The following RAD23A variants were observed in gnomAD, a reference collection of about 807,000 sequenced individuals.
RAD23A encodes the protein RAD23 nucleotide excision repair protein A, also known as lysine-specific demethylase RAD23A.
A neutral mutation model predicts 44.8 loss-of-function variants in RAD23A; 16 were observed. That is an observed-to-expected ratio of 0.36 (90% confidence interval 0.24 to 0.54). The LOEUF (loss-of-function observed/expected upper bound fraction) is 0.54, where lower values mean the gene tolerates loss of function less well. Among genes scored for constraint, RAD23A ranks in the 20% least tolerant of loss-of-function variants. The pLI, the probability that RAD23A is intolerant of heterozygous loss-of-function variation, is 0.89. For missense variants in RAD23A, 380 were observed against 483.3 expected, an observed-to-expected ratio of 0.79 and a Z score of 2.00; for synonymous variants, 217 against 202.9, an observed-to-expected ratio of 1.07 and a Z score of -0.59.
At position 12,948,823 on chromosome 19, in the gene RAD23A, G is replaced by A; in HGVS notation, c.600+10G>A. On this transcript the variant is annotated intron_variant, in intron 5 of 8. Coordinates refer to ENST00000586534, the MANE Select transcript of RAD23A (RefSeq NM_005053.4). The surrounding 1 kb of genome is among the most constrained non-coding windows in gnomAD (Gnocchi z 5.5). ...GGAGTATCTGCTCACGGTGAGGTGG[G>A]GCTTCCGCCTCCCGGGGAGGCCTTG... The A allele has an allele frequency of 6.3e-7, 1 of 1,591,484 alleles. No homozygotes were observed. Among genetic ancestry groups the A allele is most frequent in the Middle Eastern group, 1.7e-4 (1 of 5,916 alleles).
At chr19:12,949,756 G>A (rs8108349) in intron 7 of RAD23A, among the ~76,000 whole-genome samples, 1 of 152,178 alleles carries the variant, frequency 6.6e-6, no homozygotes, top group African/African-American at 2.4e-5. Flanking sequence ...TACAGATGGT[G>A]CTGCGTAAAT....
intron 1 of RAD23A, among the ~76,000 whole-genome samples, chr19:12,946,438 AACG>A (rs1179021108): frequency 6.6e-6 from 1 of 152,176 alleles, no homozygotes; most frequent in Non-Finnish European, 1.5e-5. Context: ...TGACGACAAC[AACG>A]ATGTTAATGA....
chr19:12,953,109 A>G lies in RAD23A; in HGVS notation c.*60A>G, dbSNP rs1355068734. ...ACCCTTATTCCATGAAAGTTTTATA[A>G]AAGAAAAAATATATATATATTCATG... On this transcript the variant is annotated 3_prime_UTR_variant, in exon 9 of 9. Coordinates refer to ENST00000586534, the MANE Select transcript of RAD23A (RefSeq NM_005053.4). The G allele has an allele frequency of 3.4e-6, 4 of 1,176,384 alleles. No individual in the cohort carries two copies. The African/African-American group carries it at 4.7e-5, about 14-fold the overall frequency. 72.9% of individuals were successfully genotyped at this position (1,176,384 alleles called of 1,614,324 possible). A position where few individuals can be genotyped will look rare whatever the true frequency, so the allele number is the denominator to read the frequency against.
chr19:12,952,135 C>G (rs1365757854), intron 7 of RAD23A, among the ~76,000 whole-genome samples: 1 of 152,146 alleles, frequency 6.6e-6, no homozygotes, highest in Non-Finnish European at 1.5e-5. Context: ...ATTGGCCAGG[C>G]TGGTCTCGAA....
chr19:12,950,436 G>A (rs931181099), intron 7 of RAD23A, among the ~76,000 whole-genome samples: 1 of 151,380 alleles, frequency 6.6e-6, no homozygotes, highest in Admixed American at 6.6e-5. Context: ...AGGAAATCTC[G>A]CTCTGTCGCC....
At position 12,948,629 on chromosome 19, in the gene RAD23A, C is replaced by T; in HGVS notation, c.473-57C>T. On this transcript the variant is annotated intron_variant, in intron 4 of 8. Coordinates refer to ENST00000586534, the MANE Select transcript of RAD23A (RefSeq NM_005053.4). The surrounding 1 kb of genome is among the most constrained non-coding windows in gnomAD (Gnocchi z 5.5). ...TGGGCCTTGTCTGGGTGCGGGAGGG[C>T]CTGGGAGCTGCCCTTTCCTCTTCCT... The T allele has an allele frequency of 1.9e-6, 3 of 1,587,004 alleles. No individual in the cohort carries two copies. In the Admixed American group the frequency reaches 5.3e-5, roughly 28 times the overall value.
Position 12,949,666 on chromosome 19 carries a change from C to G in RAD23A, c.813+258C>G, listed in dbSNP as rs995657425. ...CGGAAACTTAGAGCAGCCTGTCATT[C>G]CCAGGGTCACGCAGCTGGTAGTGTG... On this transcript the variant is annotated intron_variant, in intron 7 of 8. Transcript: ENST00000586534. 1.1e-5 allele frequency: 6 copies of G among 538,358 alleles called. No homozygotes were observed. The African/African-American group carries it at 1.1e-4, about 10-fold the overall frequency. The allele number at this position is 538,358 out of a possible 1,614,324, so 33.3% of individuals were successfully genotyped here. A position where few individuals can be genotyped will look rare whatever the true frequency, so the allele number is the denominator to read the frequency against.
chr19:12,948,278 C>G lies in RAD23A; in HGVS notation c.336C>G (p.Ser112=), dbSNP rs55999597. Residue 112 remains serine (S), a synonymous_variant, in exon 3 of 9, where the codon TCC becomes TCG. Coordinates refer to ENST00000586534, the MANE Select transcript of RAD23A (RefSeq NM_005053.4). The surrounding 1 kb of genome is among the most constrained non-coding windows in gnomAD (Gnocchi z 5.5). ...SFPPAPTSGM[S]HPPPAAREDK... is the part of the protein sequence containing the mutation. ...CGCCTGCCCCCACCTCAGGCATGTC[C>G]CATCCCCCACCTGCCGCCAGAGAGG... The G allele has an allele frequency of 6.2e-7, 1 of 1,613,496 alleles. No individual in the cohort carries two copies.
In RAD23A at chr19:12,953,406, C is replaced by G. The variant is rs41558417; in HGVS notation, c.*357C>G. The stretch of plus-strand genomic sequence containing the variant: ...TCCGAAAAACCCCTGAGGACCCCCC[C>G]CCATCCTCTTCTAGGATGAGGGGAA... On this transcript the variant is annotated 3_prime_UTR_variant, in exon 9 of 9. Transcript: ENST00000586534. 5.4e-5 allele frequency: 9 copies of G among 166,338 alleles called. No individual in the cohort carries two copies. Among genetic ancestry groups the G allele is most frequent in the Non-Finnish European group, 7.7e-5 (6 of 77,936 alleles). 10.3% of individuals were successfully genotyped at this position (166,338 alleles called of 1,614,324 possible). A position where few individuals can be genotyped will look rare whatever the true frequency, so the allele number is the denominator to read the frequency against.
Position 12,949,320 on chromosome 19 carries a change from A to G in RAD23A, c.725A>G (p.Gln242Arg). The change falls in exon 7 of 9, where the codon CAG becomes CGG. Residue 242 changes from glutamine to arginine, a missense_variant. Gln to Arg is a conservative substitution (Grantham distance 43). Transcript: ENST00000586534. The stretch of plus-strand genomic sequence containing the variant: ...TTCCTGCGGGACCAGCCCCAGTTCC[A>G]GAACATGCGGCAGGTGATTCAGCAG... The part of the protein sequence containing the change: ...LEFLRDQPQF[Q>R]NMRQVIQQNP... The G allele has an allele frequency of 6.2e-7, 1 of 1,614,154 alleles. No individual in the cohort carries two copies. The highest frequency in any genetic ancestry group is 8.5e-7 in the Non-Finnish European group (1 of 1,180,012).
At chr19:12,950,953 A>G (rs1471915813) in intron 7 of RAD23A, among the ~76,000 whole-genome samples, 1 of 152,138 alleles carries the variant, frequency 6.6e-6, no homozygotes, top group African/African-American at 2.4e-5. Flanking sequence ...AGTCCCAGCT[A>G]CTCAGGAGGT....
At position 12,949,752 on chromosome 19, in the gene RAD23A, T is replaced by C. The variant is rs45576238; in HGVS notation, c.813+344T>C. ...CTGGGGCTCTGGCTTCACATACAGA[T>C]GGTGCTGCGTAAATGTCTGTAAGGT... On this transcript the variant is annotated intron_variant, in intron 7 of 8. Transcript: ENST00000586534. 4.3e-3 allele frequency among the ~76,000 whole-genome samples: 662 copies of C among 152,196 alleles called. 9 individuals are homozygous for C. The highest frequency in any genetic ancestry group is 0.022 in the Admixed American group (343 of 15,280).
At position 12,948,433 on chromosome 19, in the gene RAD23A, CA is replaced by C. The variant is rs1971721557; in HGVS notation, c.417-63del. 1 of 1,546,556 alleles carries C rather than the reference CA, an allele frequency of 6.5e-7. No homozygotes were observed. Among genetic ancestry groups the C allele is most frequent in the South Asian group, 1.2e-5 (1 of 80,948 alleles). The stretch of plus-strand genomic sequence containing the variant: ...TCCAGCGTCCACATAAGTGGTCCCA[CA>C]CACCTGGAGGGAGGGCAAGCCGCCA... On this transcript the variant is annotated intron_variant, in intron 3 of 8. Coordinates refer to ENST00000586534, the MANE Select transcript of RAD23A (RefSeq NM_005053.4). The surrounding 1 kb of genome is among the most constrained non-coding windows in gnomAD (Gnocchi z 5.5).
rs773560731 is a variant in RAD23A at position 12,946,009 on chromosome 19, C to G, written c.61C>G (p.Pro21Ala). ...GCAGACCTTCAAGATCCGCATGGAG[C>G]CTGACGAGACGGTGCGGGCCGGGCC... ...QQQTFKIRME[P>A]DETVKVLKEK... The change falls in exon 1 of 9, where the codon CCT becomes GCT. Residue 21 changes from proline to alanine, a missense_variant. Transcript: ENST00000586534. 2 of 1,598,564 alleles carry G rather than the reference C, an allele frequency of 1.3e-6. No individual in the cohort carries two copies. Among genetic ancestry groups the G allele is most frequent in the African/African-American group, 2.8e-5 (2 of 72,554 alleles).
At position 12,948,681 on chromosome 19, in the gene RAD23A, C is replaced by T; in HGVS notation, c.473-5C>T. 6.2e-7 allele frequency: 1 copy of T among 1,610,426 alleles called. No homozygotes were observed. Among genetic ancestry groups the T allele is most frequent in the Non-Finnish European group, 8.5e-7 (1 of 1,178,798 alleles). On this transcript the variant is annotated splice_region_variant and splice_polypyrimidine_tract_variant and intron_variant, in intron 4 of 8. Transcript: ENST00000586534. This position sits in a 1 kb window ranked among gnomAD's most constrained non-coding sequence, Gnocchi z 5.5. ...GTGACCTAGGCTTTGCTGCTTCCTC[C>T]ACAGTGACGGGCTCTGAGTATGAGA...
rs1231523271 is a variant in RAD23A, at chr19:12,948,335, G to T, written c.393G>T (p.Thr131=). The T allele has an allele frequency of 6.3e-7, 1 of 1,597,316 alleles. No individual in the cohort carries two copies. The highest frequency in any genetic ancestry group is 2.2e-5 in the East Asian group (1 of 44,734). The stretch of plus-strand genomic sequence containing the variant: ...GCCCATCAGAGGAATCCGCCCCCAC[G>T]ACGTCCCCAGAGTCTGTGTCAGGGT... ...DKSPSEESAP[T]TSPESVSGSV... is the part of the protein sequence containing the mutation. The change falls in exon 3 of 9, where the codon ACG becomes ACT. Residue 131 remains threonine (T), a synonymous_variant. Transcript: ENST00000586534. The surrounding 1 kb of genome is among the most constrained non-coding windows in gnomAD (Gnocchi z 5.5).
rs1023120860 is a variant in RAD23A at position 12,946,436 on chromosome 19, A to G, written c.72+416A>G. 4.6e-5 allele frequency among the ~76,000 whole-genome samples: 7 copies of G among 152,248 alleles called. No homozygotes were observed. The East Asian group carries it at 1.3e-3, about 29-fold the overall frequency. On this transcript the variant is annotated intron_variant, in intron 1 of 8. Transcript: ENST00000586534. Reference sequence around the variant, plus strand: ...CAGGAGATACTGAGTAGTGACGACAACAACGATGTTAATGATAATAAACGG... The same window carrying G: ...CAGGAGATACTGAGTAGTGACGACAGCAACGATGTTAATGATAATAAACGG...
chr19:12,948,139 G>C lies in RAD23A; in HGVS notation c.235-38G>C, dbSNP rs767062038. ...CGGAGCGGGTTGTTGGGTCTGATAG[G>C]GTTGCTGATGCCAGCTCCCTTTTTC... is the stretch of plus-strand genomic sequence containing the variant. On this transcript the variant is annotated intron_variant, in intron 2 of 8. Transcript: ENST00000586534. The surrounding 1 kb of genome is among the most constrained non-coding windows in gnomAD (Gnocchi z 5.5). 4 of 1,613,092 alleles carry C rather than the reference G, an allele frequency of 2.5e-6. No individual in the cohort carries two copies. The highest frequency in any genetic ancestry group is 1.3e-5 in the African/African-American group (1 of 74,962).
rs752495267 is a variant in RAD23A, at chr19:12,945,903, A to G, written c.-46A>G. 30 of 1,590,698 alleles carry G rather than the reference A, an allele frequency of 1.9e-5. No individual in the cohort carries two copies. The South Asian group carries it at 2.2e-4, about 12-fold the overall frequency. On this transcript the variant is annotated 5_prime_UTR_variant, in exon 1 of 9. An upstream start codon of the reference 5' UTR is lost. Coordinates refer to ENST00000586534, the MANE Select transcript of RAD23A (RefSeq NM_005053.4). ...CTAAGATGGCGGCGGCGTGAGTTGC[A>G]TGTTGTGTGAGGATCCCGGGGCCGC...
Sources: gnomAD v4.1 joint callset for allele counts (sites outside exome capture counted in the v4.1 genomes callset) on GRCh38, gnomAD v4.1.1 for gene constraint, Gnocchi (gnomAD v3.1) non-coding constraint, MANE v1.5 for transcripts, NCBI Gene and HGNC (gene_info 2026-07-23, HGNC 2026-07-21) for gene names.